Variants in LRP1B observed in about 807,000 individuals in gnomAD.
LRP1B encodes the protein LDL receptor related protein 1B.
Under a neutral mutation model 556.6 loss-of-function variants are expected in LRP1B, and 217 were observed. The ratio of observed to expected loss-of-function variants is 0.39; its 90% CI spans 0.35 to 0.44. The LOEUF is 0.44. Ranked by LOEUF, LRP1B falls within the 20% of genes least tolerant of loss-of-function variation. LRP1B has a pLI of 1.00. For synonymous variants in LRP1B, 2,047 were observed against 1,865.8 expected (o/e 1.10, Z -2.50); for missense variants, 5,053 against 5,620.8 (o/e 0.90, Z 3.23).
chr2:141,896,981 A>C (rs1284699550), intron 1 of LRP1B, among the ~76,000 whole-genome samples: 1 of 152,102 alleles, frequency 6.6e-6, no homozygotes, highest in Non-Finnish European at 1.5e-5. Flanking sequence ...ATACCACCAC[A>C]TGTTAGGGTA....
At chr2:141,862,590 G>T (rs182552074) in intron 1 of LRP1B, among the ~76,000 whole-genome samples, 1 of 152,090 alleles carries the variant, frequency 6.6e-6, no homozygotes, top group Non-Finnish European at 1.5e-5. Flanking sequence ...TGTGTTTTTA[G>T]TAGAGACGGG....
At chr2:141,870,515 A>G (rs1698548741) in intron 1 of LRP1B, among the ~76,000 whole-genome samples, 1 of 152,028 alleles carries the variant, frequency 6.6e-6, no homozygotes, top group African/African-American at 2.4e-5. Context: ...AGGCAAGTAG[A>G]TAAAAGTTAT....
intron 29 of LRP1B, among the ~76,000 whole-genome samples, chr2:140,847,474 T>C (rs17577074): frequency 0.055 from 8,342 of 152,116 alleles, 248 homozygotes; most frequent in East Asian, 0.075. Flanking sequence ...TCTTACTATA[T>C]AGAAAATGTT....
At chr2:140,765,944 C>T (rs1164727302) in intron 35 of LRP1B, among the ~76,000 whole-genome samples, 2 of 151,972 alleles carry the variant, frequency 1.3e-5, no homozygotes, top group Admixed American at 6.6e-5. Flanking sequence ...AGCACACCAA[C>T]ATGGCACATG....
chr2:141,920,081 G>A (rs1369914490), intron 1 of LRP1B, among the ~76,000 whole-genome samples: 1 of 151,542 alleles, frequency 6.6e-6, no homozygotes, highest in Non-Finnish European at 1.5e-5. Flanking sequence ...AGCTAATATC[G>A]ACCTTTGTTC....
intron 66 of LRP1B, among the ~76,000 whole-genome samples, chr2:140,398,066 T>C (rs1397255905): frequency 2.6e-5 from 4 of 152,180 alleles, no homozygotes; most frequent in African/African-American, 9.6e-5. Context: ...TTGGAGTTTG[T>C]AATCATATCA....
At chr2:141,695,288 G>T (rs1440962535) in intron 2 of LRP1B, among the ~76,000 whole-genome samples, 1 of 151,910 alleles carries the variant, frequency 6.6e-6, no homozygotes, top group Non-Finnish European at 1.5e-5. Flanking sequence ...CAAATTTACT[G>T]CATTTATATA....
At chr2:141,023,129 C>T (rs1377657143) in intron 11 of LRP1B, among the ~76,000 whole-genome samples, 5 of 151,854 alleles carry the variant, frequency 3.3e-5, no homozygotes, top group African/African-American at 1.2e-4. Context: ...AATAAACAGC[C>T]TTTTCTTGCA....
chr2:140,929,772 A>G (rs1436617621), intron 20 of LRP1B, among the ~76,000 whole-genome samples: 2 of 151,198 alleles, frequency 1.3e-5, no homozygotes, highest in African/African-American at 4.9e-5. Context: ...ACACACACAC[A>G]CACACACACA....
At chr2:141,820,574 G>A (rs564922437) in intron 1 of LRP1B, among the ~76,000 whole-genome samples, 3 of 152,094 alleles carry the variant, frequency 2.0e-5, no homozygotes, top group Non-Finnish European at 4.4e-5. Context: ...GGAATGAAAA[G>A]AATTTATATT....
intron 2 of LRP1B, among the ~76,000 whole-genome samples, chr2:141,566,207 T>C (rs769251840): frequency 1.3e-5 from 2 of 148,862 alleles, no homozygotes; most frequent in Admixed American, 6.7e-5. Context: ...AATATCCTCC[T>C]GAATCTGCAG....
intron 6 of LRP1B, among the ~76,000 whole-genome samples, chr2:141,226,116 T>TC (rs768618584): frequency 0.018 from 620 of 33,924 alleles, 1 homozygote; most frequent in Non-Finnish European, 0.034. Flanking sequence ...AGTCTCAATT[T>TC]TCCCCCCCAA....
intron 35 of LRP1B, among the ~76,000 whole-genome samples, chr2:140,748,485 G>A (rs1379211117): frequency 2.2e-5 from 2 of 89,096 alleles, no homozygotes; most frequent in Non-Finnish European, 4.4e-5. Flanking sequence ...AAAATTCCTA[G>A]CAATAATACT....
intron 1 of LRP1B, among the ~76,000 whole-genome samples, chr2:141,909,354 AT>A (rs1699841960): frequency 6.6e-6 from 1 of 151,920 alleles, no homozygotes; most frequent in African/African-American, 2.4e-5. Context: ...AAATAATGAA[AT>A]TTTTATTTAC....
intron 3 of LRP1B, among the ~76,000 whole-genome samples, chr2:141,299,120 T>C (rs1028393490): frequency 3.9e-5 from 6 of 152,196 alleles, no homozygotes; most frequent in Admixed American, 1.3e-4. Flanking sequence ...GATGGTCTTA[T>C]GGAGAACAGT....
chr2:142,059,647 G>A (rs181211476), intron 1 of LRP1B, among the ~76,000 whole-genome samples: 20 of 152,044 alleles, frequency 1.3e-4, no homozygotes, highest in African/African-American at 4.3e-4. Context: ...CAAATTATAC[G>A]TAGGTAAGAA....
intron 1 of LRP1B, among the ~76,000 whole-genome samples, chr2:141,947,336 A>T (rs1369977195): frequency 6.6e-6 from 1 of 151,816 alleles, no homozygotes; most frequent in African/African-American, 2.4e-5. Flanking sequence ...ACTCGGGAGG[A>T]TGAGGCAGGA....
intron 1 of LRP1B, among the ~76,000 whole-genome samples, chr2:142,013,381 A>G (rs138861196): frequency 7.2e-4 from 109 of 152,320 alleles, no homozygotes; most frequent in Non-Finnish European, 1.2e-3. Context: ...AACCTAGAAC[A>G]GGTTGGCACT....
At chr2:142,020,279 A>C (rs1703288781) in intron 1 of LRP1B, among the ~76,000 whole-genome samples, 1 of 152,182 alleles carries the variant, frequency 6.6e-6, no homozygotes, top group African/African-American at 2.4e-5. Context: ...ATGAAGGTCC[A>C]GATGTTGGGG....
Sources: gnomAD v4.1 joint callset for allele counts (sites outside exome capture counted in the v4.1 genomes callset) on GRCh38, gnomAD v4.1.1 for gene constraint, MANE v1.5 for transcripts, NCBI Gene and HGNC (gene_info 2026-07-23, HGNC 2026-07-21) for gene names.